CAST: variants seen among roughly 807,000 people sequenced by gnomAD.
The protein encoded by CAST is calpastatin, also known as MIR583 host.
Under a neutral mutation model 119.6 loss-of-function variants are expected in CAST, and 76 were observed. That is an observed-to-expected ratio of 0.64 (90% confidence interval 0.53 to 0.77). The LOEUF (loss-of-function observed/expected upper bound fraction) is 0.77. Ranked by LOEUF, CAST falls within the 30% of genes least tolerant of loss-of-function variation. CAST has a pLI of 0.00. For synonymous variants in CAST, 319 were observed against 331.6 expected (o/e 0.96, Z 0.41); for missense variants, 953 against 946.5 (o/e 1.01, Z -0.09).
intron 1 of CAST, among the ~76,000 whole-genome samples, chr5:96,650,691 TATATGTA>T (rs1483536964): frequency 6.6e-6 from 1 of 151,766 alleles, no homozygotes; most frequent in African/African-American, 2.4e-5. Flanking sequence ...GTACTTTCCA[TATATGTA>T]ATTTGTCTCC....
the CAST span, among the ~76,000 whole-genome samples, chr5:96,127,378 T>C: frequency 6.6e-6 from 1 of 152,070 alleles, no homozygotes; most frequent in Non-Finnish European, 1.5e-5. Context: ...TTCAGACAGG[T>C]GGTGTTCATT....
chr5:96,001,873 T>C, the CAST span, among the ~76,000 whole-genome samples: 3 of 152,234 alleles, frequency 2.0e-5, no homozygotes, highest in African/African-American at 7.2e-5. Flanking sequence ...TAATAGTCTT[T>C]TTGTGTAATG....
chr5:96,411,613 G>C, the CAST span, among the ~76,000 whole-genome samples: 1 of 152,166 alleles, frequency 6.6e-6, no homozygotes, highest in African/African-American at 2.4e-5. Flanking sequence ...AGAGCAGAAG[G>C]CAACACGTTT....
chr5:96,758,386 G>C (rs983601077), intron 24 of CAST, among the ~76,000 whole-genome samples: 9 of 152,296 alleles, frequency 5.9e-5, no homozygotes, highest in Non-Finnish European at 1.0e-4. Context: ...TTTCTCTACT[G>C]TAGGATTTTC....
At chr5:96,155,209 G>T in the CAST span, among the ~76,000 whole-genome samples, 2 of 152,128 alleles carry the variant, frequency 1.3e-5, no homozygotes, top group African/African-American at 4.8e-5. Flanking sequence ...ACTGTACCAC[G>T]CTGGTGACAG....
chr5:96,370,485 G>A, the CAST span, among the ~76,000 whole-genome samples: 1 of 152,092 alleles, frequency 6.6e-6, no homozygotes, highest in Non-Finnish European at 1.5e-5. Context: ...GCAACATGGA[G>A]CTGCCAAACA....
At chr5:95,989,205 G>C in the CAST span, among the ~76,000 whole-genome samples, 105 of 152,286 alleles carry the variant, frequency 6.9e-4, 1 homozygote, top group African/African-American at 1.9e-3. Flanking sequence ...TGATGGAAAA[G>C]AGACAACCTC....
chr5:96,495,762 G>T, the CAST span, among the ~76,000 whole-genome samples: 1 of 152,140 alleles, frequency 6.6e-6, no homozygotes, highest in African/African-American at 2.4e-5. Context: ...GAATTGTCTT[G>T]TGGATCAATT....
At chr5:96,451,871 G>A in the CAST span, among the ~76,000 whole-genome samples, 2 of 152,108 alleles carry the variant, frequency 1.3e-5, no homozygotes, top group Non-Finnish European at 2.9e-5. Flanking sequence ...ACATTTATGC[G>A]GCCAACAAAC....
chr5:96,033,151 A>T, the CAST span, among the ~76,000 whole-genome samples: 4 of 152,148 alleles, frequency 2.6e-5, no homozygotes, highest in Admixed American at 6.6e-5. Flanking sequence ...AAGTTATAAA[A>T]TATTGATGAA....
chr5:96,482,072 G>A, the CAST span, among the ~76,000 whole-genome samples: 1 of 152,090 alleles, frequency 6.6e-6, no homozygotes, highest in East Asian at 1.9e-4. Context: ...AGAGTTAGCT[G>A]GCTGGCCACC....
chr5:96,186,889 C>CAAA, the CAST span, among the ~76,000 whole-genome samples: 3 of 152,140 alleles, frequency 2.0e-5, no homozygotes, highest in African/African-American at 7.2e-5. Context: ...GGAGTCCCTC[C>CAAA]TTTTCAATTA....
chr5:96,414,797 G>T, the CAST span, among the ~76,000 whole-genome samples: 5 of 152,236 alleles, frequency 3.3e-5, no homozygotes, highest in Middle Eastern at 3.4e-3. Flanking sequence ...TACATAATTT[G>T]TGCTTCTCCC....
At position 96,710,473 on chromosome 5, in the gene CAST, TG is replaced by T; in HGVS notation, c.211-12165del. 2.6e-5 allele frequency among the ~76,000 whole-genome samples: 4 copies of T among 152,180 alleles called. 1 individual carries two copies. In the South Asian group the frequency reaches 8.3e-4, roughly 32 times the overall value. On this transcript the variant is annotated intron_variant, in intron 3 of 31. Transcript: ENST00000675179. ...CCTCTTCTTCTTGCCCTTTTTCCTTTGTATGTTTCTAAGTGTCTATTGTCCC... is the reference window on the plus strand; with the variant it reads ...CCTCTTCTTCTTGCCCTTTTTCCTTTTATGTTTCTAAGTGTCTATTGTCCC...
chr5:96,378,447 G>T, the CAST span, among the ~76,000 whole-genome samples: 3 of 152,060 alleles, frequency 2.0e-5, no homozygotes, highest in African/African-American at 7.2e-5. Context: ...AAAACATCAA[G>T]TTGTACACTT....
the CAST span, among the ~76,000 whole-genome samples, chr5:96,302,038 G>T: frequency 1.1e-4 from 16 of 152,196 alleles, no homozygotes; most frequent in Admixed American, 2.0e-4. Flanking sequence ...TTTCTGCCTG[G>T]ACATCCGGAC....
At chr5:96,064,471 A>ATC in the CAST span, among the ~76,000 whole-genome samples, 49,439 of 152,092 alleles carry the variant, frequency 0.33, 9,451 homozygotes, top group Non-Finnish European at 0.42. Flanking sequence ...AGGCAAAAGT[A>ATC]TGTAATTGCA....
At chr5:96,310,580 G>T in the CAST span, among the ~76,000 whole-genome samples, 9 of 150,074 alleles carry the variant, frequency 6.0e-5, no homozygotes, top group East Asian at 1.7e-3. Context: ...TTTTTAAATG[G>T]GAGACTATGG....
the CAST span, among the ~76,000 whole-genome samples, chr5:96,240,415 GGT>G: frequency 6.6e-6 from 1 of 152,028 alleles, no homozygotes; most frequent in Non-Finnish European, 1.5e-5. Context: ...CCGATTTCTG[GGT>G]CCACCTTCTT....
Sources: allele counts gnomAD v4.1 joint callset (sites outside exome capture counted in the v4.1 genomes callset), GRCh38; gene constraint gnomAD v4.1.1; transcripts MANE v1.5; gene names NCBI Gene and HGNC (gene_info 2026-07-23, HGNC 2026-07-21).